The following NALCN variants were observed in gnomAD, a reference collection of about 807,000 sequenced individuals.
The protein encoded by NALCN is sodium leak channel NALCN.
NALCN carries 111 observed loss-of-function variants against 225.3 expected under a neutral mutation model. The observed-to-expected ratio is 0.49, with a 90% CI of 0.42 to 0.58. NALCN has a LOEUF of 0.58. Among genes scored for constraint, NALCN ranks in the 20% least tolerant of loss-of-function variants. The pLI is 0.00. For synonymous variants in NALCN, 764 were observed against 769.0 expected (o/e 0.99, Z 0.11); for missense variants, 1,378 against 2,202.4 (o/e 0.63, Z 7.49).
intron 12 of NALCN, among the ~76,000 whole-genome samples, chr13:101,230,082 G>T (rs1048079740): frequency 3.9e-5 from 6 of 152,084 alleles, no homozygotes; most frequent in African/African-American, 1.4e-4. Context: ...TACCTTCAGG[G>T]AATGTATTTG....
In NALCN at chr13:101,095,980, C is replaced by T. The variant is rs555762318; in HGVS notation, c.3163-300G>A. 1.4e-4 allele frequency among the ~76,000 whole-genome samples: 21 copies of T among 152,244 alleles called. No homozygotes were observed. The South Asian group carries it at 4.4e-3, about 32-fold the overall frequency. On this transcript the variant is annotated intron_variant, in intron 27 of 43. Coordinates refer to ENST00000251127, the MANE Select transcript of NALCN (RefSeq NM_052867.4). The stretch of plus-strand genomic sequence containing the variant: ...CTCAGTATCATGTGCCATCTGCCAT[C>T]CGGAAAATGCAAATCAAAACCATAA...
At chr13:101,126,628 G>C (rs907090372) in intron 17 of NALCN, among the ~76,000 whole-genome samples, 1 of 152,000 alleles carries the variant, frequency 6.6e-6, no homozygotes, top group Admixed American at 6.6e-5. Context: ...GAGTAGCTGG[G>C]ACTACAGGTG....
intron 22 of NALCN, among the ~76,000 whole-genome samples, chr13:101,107,076 A>G (rs1057439477): frequency 1.3e-5 from 2 of 152,156 alleles, no homozygotes; most frequent in Non-Finnish European, 2.9e-5. Flanking sequence ...GTTATTCTCC[A>G]AAAAACAAAT....
chr13:101,143,450 C>T lies in NALCN; in HGVS notation c.1977-229G>A, dbSNP rs75151909. On this transcript the variant is annotated intron_variant, in intron 16 of 43. Coordinates refer to ENST00000251127, the MANE Select transcript of NALCN (RefSeq NM_052867.4). ...CTTTCAAGCAATATTACTCAGTAAC[C>T]GATGGTAGTTTTTTGAATCTTTTTT... Among the ~76,000 whole-genome samples the T allele has an allele frequency of 0.02, 3,022 of 151,738 alleles. 115 individuals carry two copies. Among genetic ancestry groups the T allele is most frequent in the African/African-American group, 0.07 (2,893 of 41,414 alleles).
At chr13:101,408,158 G>A (rs2047675485) in intron 1 of NALCN, among the ~76,000 whole-genome samples, 1 of 152,168 alleles carries the variant, frequency 6.6e-6, no homozygotes, top group Non-Finnish European at 1.5e-5. Flanking sequence ...ACCCTTTCAA[G>A]TCTTTGTAAA....
chr13:101,111,088 T>G (rs1296481801), intron 19 of NALCN, 37 bp downstream of exon 19: 1 of 1,579,404 alleles, frequency 6.3e-7, no homozygotes. Flanking sequence ...CCCCCCTTTT[T>G]TAGAGTCTCT....
intron 7 of NALCN, among the ~76,000 whole-genome samples, chr13:101,334,341 G>T (rs12018094): frequency 0.21 from 26,714 of 128,286 alleles, 2,864 homozygotes; most frequent in African/African-American, 0.28. Flanking sequence ...GGTCCTGACA[G>T]GTGAGTCACA....
chr13:101,350,804 T>G (rs1426059254), intron 6 of NALCN, among the ~76,000 whole-genome samples: 1 of 152,206 alleles, frequency 6.6e-6, no homozygotes, highest in Non-Finnish European at 1.5e-5. Context: ...GGAAAGATTT[T>G]GACTTCTCTG....
intron 7 of NALCN, among the ~76,000 whole-genome samples, chr13:101,337,610 C>T (rs1402299299): frequency 1.3e-5 from 2 of 152,046 alleles, no homozygotes; most frequent in Non-Finnish European, 2.9e-5. Context: ...GCCCAGCCCA[C>T]ATTTATTCTT....
At chr13:101,410,406 AAGCAACAC>A (rs1368593928) in intron 1 of NALCN, among the ~76,000 whole-genome samples, 2 of 152,228 alleles carry the variant, frequency 1.3e-5, no homozygotes, top group Non-Finnish European at 2.9e-5. Flanking sequence ...GTCTAATTAT[AAGCAACAC>A]AGGCAAAATA....
chr13:101,237,973 C>G (rs939870092), intron 11 of NALCN, 51 bp from the exon 12 acceptor site: 23 of 1,491,582 alleles, frequency 1.5e-5, no homozygotes, highest in Admixed American at 1.4e-4. Flanking sequence ...ATAATTTATT[C>G]TAAATTATTT....
At chr13:101,231,901 C>A (rs145345764) in intron 12 of NALCN, among the ~76,000 whole-genome samples, 84 of 152,258 alleles carry the variant, frequency 5.5e-4, no homozygotes, top group African/African-American at 2.0e-3. Flanking sequence ...AAGGACTCCC[C>A]ACCCGTCATG....
At chr13:101,291,533 C>T (rs886776735) in intron 9 of NALCN, among the ~76,000 whole-genome samples, 3 of 151,928 alleles carry the variant, frequency 2.0e-5, no homozygotes, top group African/African-American at 7.3e-5. Flanking sequence ...GGCCTTTGAA[C>T]CTGTTTTATT....
chr13:101,178,312 C>A (rs762536261), intron 14 of NALCN, among the ~76,000 whole-genome samples: 1 of 152,110 alleles, frequency 6.6e-6, no homozygotes, highest in Non-Finnish European at 1.5e-5. Flanking sequence ...CTAATTTAAT[C>A]ATGTTTCCTC....
chr13:101,122,772 T>C (rs2036041270), intron 18 of NALCN, among the ~76,000 whole-genome samples: 1 of 152,234 alleles, frequency 6.6e-6, no homozygotes, highest in Non-Finnish European at 1.5e-5. Context: ...TGGCTTTATT[T>C]TTCAATTCAA....
intron 18 of NALCN, among the ~76,000 whole-genome samples, chr13:101,119,278 ATC>A (rs1291789825): frequency 6.6e-6 from 1 of 152,200 alleles, no homozygotes; most frequent in Admixed American, 6.5e-5. Flanking sequence ...GAGAAAAACT[ATC>A]TCTATGTATT....
chr13:101,249,110 GT>G (rs2041987032), intron 11 of NALCN, among the ~76,000 whole-genome samples: 1 of 151,996 alleles, frequency 6.6e-6, no homozygotes, highest in Non-Finnish European at 1.5e-5. Flanking sequence ...AAAAAAGAAA[GT>G]TATAAATAAA....
chr13:101,293,057 GTTTAATCCTA>G (rs1252292081), intron 7 of NALCN, among the ~76,000 whole-genome samples: 1 of 152,170 alleles, frequency 6.6e-6, no homozygotes, highest in Non-Finnish European at 1.5e-5. Flanking sequence ...GAAAAGATGT[GTTTAATCCTA>G]ACAACACTAT....
At chr13:101,070,030 TG>T (rs2032734802) in intron 37 of NALCN, among the ~76,000 whole-genome samples, 1 of 151,924 alleles carries the variant, frequency 6.6e-6, no homozygotes, top group Admixed American at 6.6e-5. Context: ...TTAATGTTGA[TG>T]ATATTTTGAC....
Sources: allele counts gnomAD v4.1 joint callset (sites outside exome capture counted in the v4.1 genomes callset), GRCh38; gene constraint gnomAD v4.1.1; transcripts MANE v1.5; gene names NCBI Gene and HGNC (gene_info 2026-07-23, HGNC 2026-07-21).